The following CCDC102B variants were observed in gnomAD, a reference collection of about 807,000 sequenced individuals.
CCDC102B encodes the protein coiled-coil domain-containing protein 102B.
CCDC102B carries 75 observed loss-of-function variants against 57.4 expected under a neutral mutation model. That is an observed-to-expected ratio of 1.31 (90% CI 1.08 to 1.58). CCDC102B has a LOEUF of 1.58. Ranked by LOEUF, CCDC102B falls within the 40% of genes most tolerant of loss-of-function variation. The pLI, the probability that CCDC102B is intolerant of heterozygous loss-of-function variation, is 0.00. For missense variants in CCDC102B, 636 were observed against 582.6 expected (o/e 1.09, Z -0.94); for synonymous variants, 206 against 201.9 (o/e 1.02, Z -0.17).
At chr18:68,911,566 C>T (rs1044206458) in intron 6 of CCDC102B, among the ~76,000 whole-genome samples, 1 of 150,672 alleles carries the variant, frequency 6.6e-6, no homozygotes, top group Non-Finnish European at 1.5e-5. Context: ...TCCTGGCTAA[C>T]ACGGTGAAAC....
chr18:68,957,506 G>A (rs1200672548), intron 6 of CCDC102B, among the ~76,000 whole-genome samples: 1 of 144,568 alleles, frequency 6.9e-6, no homozygotes, highest in South Asian at 2.2e-4. Flanking sequence ...TAGTATTTTA[G>A]TTACTATATC....
intron 7 of CCDC102B, among the ~76,000 whole-genome samples, chr18:69,022,222 T>TATATATATATATATATATATATATAAAA (rs1395799223): frequency 1.1e-5 from 1 of 94,980 alleles, no homozygotes; most frequent in African/African-American, 4.1e-5. Context: ...TATATATATA[T>TATATATATATATATATATATATATAAAA]AACACACACA....
At chr18:68,912,045 C>A (rs1029812615) in intron 6 of CCDC102B, among the ~76,000 whole-genome samples, 4 of 152,116 alleles carry the variant, frequency 2.6e-5, no homozygotes, top group Non-Finnish European at 2.9e-5. Flanking sequence ...TAGCATCACA[C>A]CAACCCAAAT....
intron 2 of CCDC102B, chr18:68,734,813 TTCTAGG>T (rs1366317853): frequency 6.6e-6 from 1 of 152,202 alleles, no homozygotes; most frequent in Non-Finnish European, 1.5e-5. Flanking sequence ...TGCACATATT[TTCTAGG>T]AATTGAGAAC....
intron 6 of CCDC102B, among the ~76,000 whole-genome samples, chr18:68,990,984 T>C (rs1045747496): frequency 6.6e-6 from 1 of 152,148 alleles, no homozygotes; most frequent in East Asian, 1.9e-4. Flanking sequence ...CTGTATTCCG[T>C]CTATTGTTAA....
At chr18:68,979,614 A>G (rs2050525752) in intron 6 of CCDC102B, among the ~76,000 whole-genome samples, 1 of 152,000 alleles carries the variant, frequency 6.6e-6, no homozygotes, top group African/African-American at 2.4e-5. Flanking sequence ...GATAGGATAA[A>G]ATGCAGTTCC....
intron 6 of CCDC102B, among the ~76,000 whole-genome samples, chr18:68,982,357 A>T (rs2050610959): frequency 6.6e-6 from 1 of 151,998 alleles, no homozygotes; most frequent in African/African-American, 2.4e-5. Flanking sequence ...ACCAATAATC[A>T]TCCCCACTCT....
chr18:68,945,429 A>G (rs1313494606), intron 6 of CCDC102B, among the ~76,000 whole-genome samples: 2 of 152,046 alleles, frequency 1.3e-5, no homozygotes, highest in Non-Finnish European at 2.9e-5. Flanking sequence ...CAGCTCAAAA[A>G]TTTAAAAATA....
rs1169097862 is a variant in CCDC102B at position 68,860,475 on chromosome 18, C to CAAAAAAAAA, written c.936+14059_936+14067dup. On this transcript the variant is annotated intron_variant, in intron 4 of 7. Coordinates refer to ENST00000360242, the MANE Select transcript of CCDC102B (RefSeq NM_024781.3). ...AATTAAAAAAAAACAAAAACAAAAA[C>CAAAAAAAAA]AAAAAAAAAAAAAGACACTACAGGA... is the stretch of plus-strand genomic sequence containing the variant. Among the ~76,000 whole-genome samples the CAAAAAAAAA allele has an allele frequency of 5.7e-4, 30 of 53,044 alleles. 2 individuals carry two copies. Among genetic ancestry groups the CAAAAAAAAA allele is most frequent in the African/African-American group, 1.4e-3 (29 of 20,500 alleles). 34.8% of individuals were successfully genotyped at this position (53,044 alleles called of 152,430 possible). A position where few individuals can be genotyped will look rare whatever the true frequency, so the allele number is the denominator to read the frequency against.
At chr18:68,941,278 A>T (rs1021113379) in intron 6 of CCDC102B, among the ~76,000 whole-genome samples, 3 of 151,600 alleles carry the variant, frequency 2.0e-5, no homozygotes, top group East Asian at 3.9e-4. Flanking sequence ...AAAAAAACCC[A>T]TGTATTTTAG....
chr18:68,986,307 A>T (rs9962969), intron 6 of CCDC102B, among the ~76,000 whole-genome samples: 7,508 of 152,264 alleles, frequency 0.049, 529 homozygotes, highest in African/African-American at 0.15. Context: ...GATTAAGTAG[A>T]CTTTATTCCT....
intron 1 of CCDC102B, among the ~76,000 whole-genome samples, chr18:68,810,680 G>GTTTTTTTTTTTTTTTTTT (rs61714863): frequency 9.1e-5 from 7 of 77,048 alleles, no homozygotes; most frequent in Admixed American, 1.6e-4. Flanking sequence ...TCTTTTCTTT[G>GTTTTTTTTTTTTTTTTTT]TTTTTTTTTT....
intron 1 of CCDC102B, among the ~76,000 whole-genome samples, chr18:68,716,068 C>T (rs1332482333): frequency 6.6e-6 from 1 of 152,052 alleles, no homozygotes; most frequent in Non-Finnish European, 1.5e-5. Flanking sequence ...TGGTATCCAG[C>T]GCAAGCCCTC....
At chr18:68,874,530 A>T (rs1450335492) in intron 4 of CCDC102B, 139 bp from the exon 5 acceptor site, 1 of 558,738 alleles carries the variant, frequency 1.8e-6, no homozygotes, top group African/African-American at 1.9e-5. Context: ...CAATCATTAC[A>T]TCATCAGCAA....
chr18:68,745,339 T>C (rs1023023459), intron 2 of CCDC102B, among the ~76,000 whole-genome samples: 1 of 152,088 alleles, frequency 6.6e-6, no homozygotes, highest in Non-Finnish European at 1.5e-5. Context: ...GGACTAAGTC[T>C]GTAAGTCAAC....
In CCDC102B at chr18:68,744,794, C is replaced by G. The variant is rs766916379; in HGVS notation, c.-67+28200C>G. 1.3e-5 allele frequency among the ~76,000 whole-genome samples: 2 copies of G among 152,176 alleles called. 1 individual carries two copies. Among genetic ancestry groups the G allele is most frequent in the African/African-American group, 4.8e-5 (2 of 41,448 alleles). On this transcript the variant is annotated intron_variant, in intron 2 of 3. Transcript: ENST00000578970. ...CATTCACACTGCTTCATTATGTGAGCATTGAAAAGTTATTGTACATCACTA... is the reference window on the plus strand; with the variant it reads ...CATTCACACTGCTTCATTATGTGAGGATTGAAAAGTTATTGTACATCACTA...
At chr18:69,016,267 C>T (rs2051665678) in intron 7 of CCDC102B, among the ~76,000 whole-genome samples, 1 of 151,980 alleles carries the variant, frequency 6.6e-6, no homozygotes, top group Admixed American at 6.6e-5. Context: ...AAACACCAGC[C>T]TGATAAAAAG....
At chr18:68,752,063 C>T (rs2033873125) in intron 2 of CCDC102B, among the ~76,000 whole-genome samples, 1 of 152,080 alleles carries the variant, frequency 6.6e-6, no homozygotes, top group Non-Finnish European at 1.5e-5. Flanking sequence ...AGTTTGAGAC[C>T]AGCCTGACCA....
At chr18:69,035,348 G>A (rs748768850) in intron 7 of CCDC102B, among the ~76,000 whole-genome samples, 6 of 152,180 alleles carry the variant, frequency 3.9e-5, no homozygotes, top group Non-Finnish European at 7.4e-5. Context: ...TGAAAATCCT[G>A]TGAAATTCAA....
Sources: gnomAD v4.1 joint callset for allele counts (sites outside exome capture counted in the v4.1 genomes callset) on GRCh38, gnomAD v4.1.1 for gene constraint, MANE v1.5 for transcripts, NCBI Gene and HGNC (gene_info 2026-07-23, HGNC 2026-07-21) for gene names.